The following CDH23 variants were observed in gnomAD, a reference collection of about 807,000 sequenced individuals.
The protein encoded by CDH23 is cadherin related 23.
Under a neutral mutation model 317.1 loss-of-function variants are expected in CDH23, and 189 were observed. The ratio of observed to expected loss-of-function variants is 0.60; its 90% confidence interval spans 0.53 to 0.67. The LOEUF (loss-of-function observed/expected upper bound fraction) is 0.67, where lower values mean the gene tolerates loss of function less well. Among genes scored for constraint, CDH23 ranks in the 30% least tolerant of loss-of-function variants. The probability of loss-of-function intolerance (pLI) is 0.00; values close to 1 mark genes in which losing one functional copy is unlikely to be tolerated. For synonymous variants in CDH23, 1,839 were observed against 1,876.8 expected (o/e 0.98, Z 0.52); for missense variants, 4,401 against 4,592.4 (o/e 0.96, Z 1.20).
At chr10:71,812,961 G>A (rs1180298690) in intron 68 of CDH23, 71 bp downstream of exon 68, 1 of 1,586,662 alleles carries the variant, frequency 6.3e-7, no homozygotes, top group East Asian at 2.3e-5. Flanking sequence ...AGAACACAGG[G>A]TGGTAGAGAC....
At position 71,436,724 on chromosome 10, in the gene CDH23, A is replaced by C. The variant is rs74144951; in HGVS notation, c.-5-3103A>C. Among the ~76,000 whole-genome samples the C allele has an allele frequency of 7.1e-3, 1,083 of 152,328 alleles. 10 individuals are homozygous for C. Among genetic ancestry groups the C allele is most frequent in the African/African-American group, 0.025 (1,030 of 41,572 alleles). ...TCCCTCCTTCCTTCCTTCCACCGCA[A>C]ACTTCCTGCAGCACCCAGCAGAATG... is the stretch of plus-strand genomic sequence containing the variant. On this transcript the variant is annotated intron_variant, in intron 1 of 69. Coordinates refer to ENST00000224721, the MANE Select transcript of CDH23 (RefSeq NM_022124.6).
rs2132400790 is a variant in CDH23 at position 71,577,992 on chromosome 10, G to A, written c.832G>A (p.Gly278Arg). 2 of 1,595,390 alleles carry A rather than the reference G, an allele frequency of 1.3e-6. No homozygotes were observed. The highest frequency in any genetic ancestry group is 2.7e-5 in the African/African-American group (2 of 74,752). The change falls in exon 9 of 70, where the codon GGG becomes AGG. Residue 278 changes from glycine (G) to arginine (R), a missense_variant and splice_region_variant. By Grantham distance (125) the Gly-to-Arg change is moderately radical. Transcript: ENST00000224721. ...GGGCATTGGCTACACCATCGTTTCA[G>A]GTAAGACAGAAGGCTGCCCCTCTCT... is the stretch of plus-strand genomic sequence containing the variant. ...PRGIGYTIVS[G>R]NTNSIFALDY...
intron 9 of CDH23, among the ~76,000 whole-genome samples, chr10:71,605,541 A>G (rs1171699412): frequency 6.6e-6 from 1 of 152,210 alleles, no homozygotes; most frequent in African/African-American, 2.4e-5. Context: ...CTGTCCTAGC[A>G]CTATCACTCA....
chr10:71,421,404 G>A (rs560489314), intron 1 of CDH23, among the ~76,000 whole-genome samples: 51 of 152,372 alleles, frequency 3.3e-4, no homozygotes, highest in African/African-American at 9.9e-4. Flanking sequence ...AGAAAGAGCC[G>A]AGTAAAATTC....
At position 71,793,319 on chromosome 10, in the gene CDH23, AC is replaced by A. The variant is rs754876029; in HGVS notation, c.6393del (p.Ile2132SerfsTer11). On this transcript the variant is annotated frameshift_variant, in exon 48 of 70. Transcript: ENST00000224721. LOFTEE classifies it high-confidence loss of function. ...VTGVIRVGNA[T>X]IDREEQESYR... ...CGGGGTCATCCGTGTTGGTAATGCC[AC>A]CATCGACAGAGAGGAGCAGGAGTCC... 26 of 1,613,850 alleles carry A rather than the reference AC, an allele frequency of 1.6e-5. No homozygotes were observed. Among genetic ancestry groups the A allele is most frequent in the Admixed American group, 5.0e-5 (3 of 60,004 alleles).
chr10:71,630,914 C>T (rs949699554), intron 11 of CDH23, among the ~76,000 whole-genome samples: 4 of 152,120 alleles, frequency 2.6e-5, no homozygotes, highest in Admixed American at 6.6e-5. Context: ...AGGCTGGAGG[C>T]GGGAATGAAA....
At chr10:71,664,230 C>T (rs1298979970) in intron 14 of CDH23, among the ~76,000 whole-genome samples, 1 of 152,198 alleles carries the variant, frequency 6.6e-6, no homozygotes. Flanking sequence ...GTAATTGCTT[C>T]CCCCACTACG....
chr10:71,491,921 G>A (rs1014876670), intron 3 of CDH23, among the ~76,000 whole-genome samples: 2 of 152,140 alleles, frequency 1.3e-5, no homozygotes, highest in Non-Finnish European at 2.9e-5. Flanking sequence ...TCGAGCACAC[G>A]CAGGTCCTGG....
chr10:71,741,576 G>A (rs1839733070), intron 37 of CDH23, 118 bp from the exon 38 acceptor site: 3 of 765,222 alleles, frequency 3.9e-6, no homozygotes, highest in African/African-American at 1.7e-5. Flanking sequence ...TTGCTCTGGG[G>A]TAGATGCAGC....
intron 8 of CDH23, among the ~76,000 whole-genome samples, chr10:71,577,397 C>T (rs1351858344): frequency 3.3e-5 from 5 of 152,128 alleles, no homozygotes; most frequent in Non-Finnish European, 7.3e-5. Context: ...CGTCATCCCC[C>T]GAGATACCTG....
intron 11 of CDH23, among the ~76,000 whole-genome samples, chr10:71,642,721 C>G (rs1373454999): frequency 6.6e-6 from 1 of 152,164 alleles, no homozygotes; most frequent in Non-Finnish European, 1.5e-5. Flanking sequence ...TCTTATCCCC[C>G]ACTCTGCCAC....
intron 14 of CDH23, among the ~76,000 whole-genome samples, chr10:71,651,932 C>T (rs970858310): frequency 5.3e-5 from 8 of 152,148 alleles, no homozygotes; most frequent in East Asian, 1.9e-4. Flanking sequence ...GTGGGAGAGG[C>T]GAAGTGCTGA....
intron 1 of CDH23, among the ~76,000 whole-genome samples, chr10:71,422,351 T>C (rs1452913346): frequency 1.3e-5 from 2 of 152,234 alleles, no homozygotes; most frequent in Admixed American, 6.5e-5. Flanking sequence ...CACTTACTTC[T>C]GTGAGACCTC....
At chr10:71,554,502 C>T (rs373406264) in intron 6 of CDH23, among the ~76,000 whole-genome samples, 1 of 152,012 alleles carries the variant, frequency 6.6e-6, no homozygotes, top group Non-Finnish European at 1.5e-5. Context: ...CCAGGAGACT[C>T]CTTGCGTCTC....
intron 3 of CDH23, among the ~76,000 whole-genome samples, chr10:71,507,836 T>G (rs1338146928): frequency 1.3e-5 from 2 of 152,244 alleles, no homozygotes; most frequent in Non-Finnish European, 2.9e-5. Context: ...ACATACTTCC[T>G]CTTACACCGT....
intron 9 of CDH23, among the ~76,000 whole-genome samples, chr10:71,591,599 T>C (rs2132446903): frequency 6.6e-6 from 1 of 152,286 alleles, no homozygotes; most frequent in African/African-American, 2.4e-5. Context: ...TTTAAGATGA[T>C]GTTTAAAAAA....
At chr10:71,402,745 G>A (rs4504985) in intron 1 of CDH23, among the ~76,000 whole-genome samples, 28,740 of 147,006 alleles carry the variant, frequency 0.2, 3,458 homozygotes, top group Non-Finnish European at 0.27. Flanking sequence ...GTGTGTGTGT[G>A]CACGCGCGCG....
At chr10:71,477,314 A>T (rs1314205924) in intron 3 of CDH23, among the ~76,000 whole-genome samples, 1 of 152,120 alleles carries the variant, frequency 6.6e-6, no homozygotes, top group Admixed American at 6.5e-5. Context: ...GATTACAGGC[A>T]CCTGCCACCA....
chr10:71,658,644 G>A (rs999529499), intron 14 of CDH23, among the ~76,000 whole-genome samples: 1 of 152,206 alleles, frequency 6.6e-6, no homozygotes, highest in African/African-American at 2.4e-5. Context: ...TGAATGCCAG[G>A]CATTTTACAG....
Sources: allele counts gnomAD v4.1 joint callset (sites outside exome capture counted in the v4.1 genomes callset), GRCh38; gene constraint gnomAD v4.1.1; transcripts MANE v1.5; gene names NCBI Gene and HGNC (gene_info 2026-07-23, HGNC 2026-07-21).